MYOM2: variants seen among roughly 807,000 people sequenced by gnomAD.
MYOM2 encodes the protein myomesin 2.
MYOM2 carries 254 observed loss-of-function variants against 187.6 expected under a neutral mutation model. The observed-to-expected ratio is 1.35, with a 90% CI of 1.22 to 1.50. The LOEUF is 1.50. Ranked by LOEUF, MYOM2 falls within the 40% of genes most tolerant of loss-of-function variation. The pLI is 0.00. For synonymous variants in MYOM2, 981 were observed against 753.8 expected (o/e 1.30, Z -4.94); for missense variants, 2,796 against 1,924.0 (o/e 1.45, Z -8.48).
intron 8 of MYOM2, among the ~76,000 whole-genome samples, chr8:2,072,062 C>T (rs529020305): frequency 1.3e-5 from 2 of 152,202 alleles, no homozygotes; most frequent in Non-Finnish European, 2.9e-5. Flanking sequence ...ACGGGTGTTC[C>T]ATGCTGTGGG....
chr8:2,062,058 A>G (rs964697409), intron 6 of MYOM2, among the ~76,000 whole-genome samples: 4 of 152,204 alleles, frequency 2.6e-5, no homozygotes, highest in African/African-American at 4.8e-5. Context: ...GCAAGGCTTG[A>G]AGGCCAGTAG....
chr8:2,133,241 A>G (rs1009127272), intron 32 of MYOM2, among the ~76,000 whole-genome samples: 8 of 152,206 alleles, frequency 5.3e-5, no homozygotes, highest in Non-Finnish European at 8.8e-5. Context: ...TGCATTCCTC[A>G]ACACTGTCCT....
At chr8:2,140,529 A>T (rs895285257) in intron 32 of MYOM2, among the ~76,000 whole-genome samples, 194 bp from the exon 33 acceptor site, 10 of 152,354 alleles carry the variant, frequency 6.6e-5, no homozygotes, top group African/African-American at 2.4e-4. Context: ...ATTAAGTATC[A>T]TTTAATTTTA....
intron 13 of MYOM2, among the ~76,000 whole-genome samples, chr8:2,080,626 C>T: frequency 6.6e-6 from 1 of 152,218 alleles, no homozygotes; most frequent in East Asian, 1.9e-4. Flanking sequence ...AGGACAACTT[C>T]TTGCAGTCTC....
intron 32 of MYOM2, among the ~76,000 whole-genome samples, chr8:2,136,239 G>C (rs543328741): frequency 6.6e-6 from 1 of 152,240 alleles, no homozygotes. Flanking sequence ...TGCAGCTGCA[G>C]CCCAGGGAAG....
At chr8:2,087,734 CT>C (rs1796143477) in intron 14 of MYOM2, among the ~76,000 whole-genome samples, 1 of 152,218 alleles carries the variant, frequency 6.6e-6, no homozygotes, top group Non-Finnish European at 1.5e-5. Flanking sequence ...CCCCAGGCCC[CT>C]AACACCCAGA....
In MYOM2 at chr8:2,056,321, A is replaced by G. The variant is rs369368317; in HGVS notation, c.264-1027A>G. Among the ~76,000 whole-genome samples, 85 of 152,254 alleles carry G rather than the reference A, an allele frequency of 5.6e-4. 1 individual carries two copies. In the East Asian group the frequency reaches 5.8e-3, roughly 10 times the overall value. On this transcript the variant is annotated intron_variant, in intron 3 of 36. Transcript: ENST00000262113. ...TTCTCACGAGTGGGACAGAATCCCA[A>G]GAGGGGAGCAGAACAGCGAGCGTCC...
At chr8:2,106,643 C>G in intron 23 of MYOM2, 46 bp downstream of exon 23, 1 of 1,362,988 alleles carries the variant, frequency 7.3e-7, no homozygotes, top group Non-Finnish European at 1.0e-6. Context: ...TTTTATCACA[C>G]TTTCAAAGAT....
At chr8:2,068,015 A>G (rs944460827) in intron 6 of MYOM2, among the ~76,000 whole-genome samples, 2 of 152,142 alleles carry the variant, frequency 1.3e-5, no homozygotes, top group African/African-American at 4.8e-5. Context: ...TACGCCAGGT[A>G]CAAGCTGTGT....
chr8:2,064,543 CTGCGGGAGGCCA>C, intron 6 of MYOM2, among the ~76,000 whole-genome samples: 1 of 152,158 alleles, frequency 6.6e-6, no homozygotes, highest in South Asian at 2.1e-4. Flanking sequence ...TTTGCAGTCG[CTGCGGGAGGCCA>C]AGCGGATGGA....
chr8:2,137,666 G>A (rs1431614754), intron 32 of MYOM2, among the ~76,000 whole-genome samples: 2 of 152,136 alleles, frequency 1.3e-5, no homozygotes, highest in Admixed American at 6.5e-5. Context: ...GGCAAAACAA[G>A]TTTTTCTGAC....
intron 32 of MYOM2, among the ~76,000 whole-genome samples, chr8:2,134,443 A>T (rs999494710): frequency 6.6e-6 from 1 of 152,104 alleles, no homozygotes; most frequent in Non-Finnish European, 1.5e-5. Context: ...CTTCCTGGGA[A>T]CGTTATTATT....
chr8:2,085,382 A>G lies in MYOM2; in HGVS notation c.1636A>G (p.Ile546Val). 1.9e-6 allele frequency: 3 copies of G among 1,610,232 alleles called. No homozygotes were observed. The highest frequency in any genetic ancestry group is 2.5e-6 in the Non-Finnish European group (3 of 1,178,808). The change falls in exon 14 of 37, where the codon ATT becomes GTT. Residue 546 changes from isoleucine (I) to valine (V), a missense_variant. Transcript: ENST00000262113. ...PRGKDPLMYF[I>V]EKSVVGSGSW... ...TGGCAAGGACCCGCTCATGTACTTC[A>G]TTGAGAAGGTAAACTCCGGGCCCGT... is the stretch of plus-strand genomic sequence containing the variant.
At chr8:2,102,973 G>A (rs1356220311) in intron 21 of MYOM2, among the ~76,000 whole-genome samples, 192 bp downstream of exon 21, 2 of 151,900 alleles carry the variant, frequency 1.3e-5, no homozygotes, top group African/African-American at 4.8e-5. Flanking sequence ...ATGTATGTAT[G>A]GGTATGTGGA....
chr8:2,050,772 C>G lies in MYOM2; in HGVS notation c.6C>G (p.Ser2=). ...CTTTGTAGGAGCACGCCAAGATGTCCCTTGTGACTGTCCCCTTCTACCAGA... is the reference window on the plus strand; with the variant it reads ...CTTTGTAGGAGCACGCCAAGATGTCGCTTGTGACTGTCCCCTTCTACCAGA... M[S]LVTVPFYQKR... is the part of the protein sequence containing the mutation. Residue 2 remains serine, a synonymous_variant, in exon 2 of 37, where the codon TCC becomes TCG. Coordinates refer to ENST00000262113, the MANE Select transcript of MYOM2 (RefSeq NM_003970.4). The G allele has an allele frequency of 6.2e-7, 1 of 1,611,372 alleles. No individual in the cohort carries two copies. Among genetic ancestry groups the G allele is most frequent in the East Asian group, 2.2e-5 (1 of 44,760 alleles).
At position 2,144,799 on chromosome 8, in the gene MYOM2, A is replaced by G. The variant is rs1281829150; in HGVS notation, c.4216A>G (p.Lys1406Glu). ...EQAKYVSMTI[K>E]GVTSEDSGKY... is the part of the protein sequence containing the mutation. Reference sequence around the variant, plus strand: ...GGCCAAGTACGTCAGCATGACCATCAAAGGCGTGACCTCCGAGGACTCGGG... The same window carrying G: ...GGCCAAGTACGTCAGCATGACCATCGAAGGCGTGACCTCCGAGGACTCGGG... The change falls in exon 37 of 37, where the codon AAA becomes GAA. Residue 1406 changes from lysine to glutamate, a missense_variant. Physicochemically the swap from Lys to Glu is moderately conservative, Grantham distance 56. Coordinates refer to ENST00000262113, the MANE Select transcript of MYOM2 (RefSeq NM_003970.4). The G allele has an allele frequency of 6.2e-7, 1 of 1,614,062 alleles. No homozygotes were observed. Among genetic ancestry groups the G allele is most frequent in the Non-Finnish European group, 8.5e-7 (1 of 1,180,048 alleles).
At chr8:2,102,917 G>T in intron 21 of MYOM2, 136 bp downstream of exon 21, 4 of 663,886 alleles carry the variant, frequency 6.0e-6, no homozygotes, top group South Asian at 1.9e-5. Flanking sequence ...TGTGTGGATG[G>T]GTCTGTAGAT....
intron 10 of MYOM2, among the ~76,000 whole-genome samples, chr8:2,074,926 C>T (rs1372728934): frequency 6.6e-6 from 1 of 152,212 alleles, no homozygotes; most frequent in African/African-American, 2.4e-5. Context: ...TCTCCGGGTC[C>T]CCGGGCTCCC....
intron 3 of MYOM2, 62 bp downstream of exon 3, chr8:2,052,375 T>C (rs2129327455): frequency 6.6e-7 from 1 of 1,507,952 alleles, no homozygotes; most frequent in East Asian, 2.4e-5. Flanking sequence ...GGAGGGACAG[T>C]GGGGTGAGGA....
Sources: allele counts gnomAD v4.1 joint callset (sites outside exome capture counted in the v4.1 genomes callset), GRCh38; gene constraint gnomAD v4.1.1; transcripts MANE v1.5; gene names NCBI Gene and HGNC (gene_info 2026-07-23, HGNC 2026-07-21).